Variants in CREBBP observed in about 807,000 individuals in gnomAD.
CREBBP encodes CREB-binding protein.
A neutral mutation model predicts 265.0 loss-of-function variants in CREBBP; 19 were observed. The ratio of observed to expected loss-of-function variants is 0.07; its 90% CI spans 0.05 to 0.11. The LOEUF (loss-of-function observed/expected upper bound fraction) is 0.11, where lower values mean the gene tolerates loss of function less well. Among genes scored for constraint, CREBBP ranks in the 10% least tolerant of loss-of-function variants. The pLI is 1.00. For synonymous variants in CREBBP, 1,457 were observed against 1,223.7 expected (o/e 1.19, Z -3.98); for missense variants, 2,525 against 3,219.0 (o/e 0.78, Z 5.22).
intron 2 of CREBBP, among the ~76,000 whole-genome samples, chr16:3,821,964 G>C (rs970216461): frequency 2.6e-5 from 4 of 152,162 alleles, no homozygotes; most frequent in Non-Finnish European, 5.9e-5. Flanking sequence ...TTAGGCAGGA[G>C]AATCACTTGA....
intron 1 of CREBBP, among the ~76,000 whole-genome samples, chr16:3,853,981 C>CACAT (rs528259484): frequency 1.3e-5 from 2 of 152,172 alleles, no homozygotes; most frequent in African/African-American, 4.8e-5. Context: ...CACACACACA[C>CACAT]ACGAAAAAGA....
At chr16:3,759,650 T>A (rs1430252723) in intron 16 of CREBBP, among the ~76,000 whole-genome samples, 1 of 151,862 alleles carries the variant, frequency 6.6e-6, no homozygotes, top group Non-Finnish European at 1.5e-5. Flanking sequence ...AAGTTTTTTA[T>A]CCTTGGCTAA....
chr16:3,731,519 C>T lies in CREBBP; in HGVS notation c.4891-46G>A, dbSNP rs2051915982. The T allele has an allele frequency of 6.4e-7, 1 of 1,555,032 alleles. No homozygotes were observed. The highest frequency in any genetic ancestry group is 1.4e-5 in the African/African-American group (1 of 73,944). On this transcript the variant is annotated intron_variant, in intron 29 of 30. Transcript: ENST00000262367. The surrounding 1 kb of genome is among the most constrained non-coding windows in gnomAD (Gnocchi z 7.7). The stretch of plus-strand genomic sequence containing the variant: ...TAGTCCCACACAAGGGACATGGCAC[C>T]TCCAGTGGTGAGCTCAGGGCAGGCG...
chr16:3,866,710 C>G (rs563660913), intron 1 of CREBBP, among the ~76,000 whole-genome samples: 1 of 152,206 alleles, frequency 6.6e-6, no homozygotes, highest in East Asian at 1.9e-4. Context: ...CAAAACATCT[C>G]TAGCTCAACC....
chr16:3,767,371 C>A (rs1447407305), intron 16 of CREBBP: 8 of 336,248 alleles, frequency 2.4e-5, no homozygotes, highest in Non-Finnish European at 3.9e-5. Context: ...TCACATACAT[C>A]ACTGGTTCTT....
chr16:3,875,590 G>C (rs543003826), intron 1 of CREBBP, among the ~76,000 whole-genome samples: 6 of 152,204 alleles, frequency 3.9e-5, no homozygotes, highest in African/African-American at 1.2e-4. Context: ...ATTCATGTGC[G>C]GGAAGGCCGC....
In CREBBP at chr16:3,879,971, CCGGACGGGGGT is replaced by C. The variant is rs1194429139; in HGVS notation, c.-66_-56del. On this transcript the variant is annotated 5_prime_UTR_variant, in exon 1 of 31. Coordinates refer to ENST00000262367, the MANE Select transcript of CREBBP (RefSeq NM_004380.3). Reference sequence around the variant, plus strand: ...CACGGGCGGCCGGGCCGGCGAGGGCCCGGACGGGGGTCGGGGGCCCTGCCGGCTGCGAGGGA... The same window carrying C: ...CACGGGCGGCCGGGCCGGCGAGGGCCCGGGGGCCCTGCCGGCTGCGAGGGA... 6.5e-7 allele frequency: 1 copy of C among 1,545,946 alleles called. No homozygotes were observed. Among genetic ancestry groups the C allele is most frequent in the Admixed American group, 1.9e-5 (1 of 53,482 alleles).
chr16:3,871,003 T>A (rs2055281929), intron 1 of CREBBP, among the ~76,000 whole-genome samples: 2 of 119,308 alleles, frequency 1.7e-5, no homozygotes, highest in Non-Finnish European at 3.3e-5. Flanking sequence ...AAAAGTAATG[T>A]AAAGAAGGGG....
At chr16:3,772,899 G>A (rs1212400614) in intron 13 of CREBBP, among the ~76,000 whole-genome samples, 7 of 118,656 alleles carry the variant, frequency 5.9e-5, no homozygotes, top group Admixed American at 2.2e-4. Context: ...GTGAAATCCC[G>A]TCTCTACTAA....
chr16:3,730,274 G>A (rs919648925), intron 30 of CREBBP, among the ~76,000 whole-genome samples: 1 of 152,168 alleles, frequency 6.6e-6, no homozygotes, highest in East Asian at 1.9e-4. Context: ...TGACCTGGGA[G>A]TCACATCAGC....
chr16:3,736,637 C>T lies in CREBBP; in HGVS notation c.4560+13G>A, dbSNP rs2151329020. 1 of 1,614,262 alleles carries T rather than the reference C, an allele frequency of 6.2e-7. No homozygotes were observed. The highest frequency in any genetic ancestry group is 1.1e-5 in the South Asian group (1 of 91,084). On this transcript the variant is annotated intron_variant, in intron 27 of 30. Coordinates refer to ENST00000262367, the MANE Select transcript of CREBBP (RefSeq NM_004380.3). ...TGTGACAAAAGCCACCACCTTCCTT[C>T]AGCGCCGGGTACCTTGTAGTCATGG...
intron 28 of CREBBP, among the ~76,000 whole-genome samples, chr16:3,734,663 G>A (rs913913829): frequency 8.5e-5 from 13 of 152,306 alleles, no homozygotes; most frequent in African/African-American, 3.1e-4. Flanking sequence ...CTGCTTAGGA[G>A]CCACCTAGGG....
At position 3,739,654 on chromosome 16, in the gene CREBBP, T is replaced by C. The variant is rs2052153743; in HGVS notation, c.4204A>G (p.Ile1402Val). The C allele has an allele frequency of 6.2e-7, 1 of 1,614,106 alleles. No individual in the cohort carries two copies. Among genetic ancestry groups the C allele is most frequent in the African/African-American group, 1.3e-5 (1 of 74,930 alleles). ...AAAAAGCAGACATCCACGCCGTCAA[T>C]TTCCTCAAAAGCAAACAGAGCTTTG... ...RTKALFAFEEIDGVDVCFFGM... is the reference protein window; with the variant it reads ...RTKALFAFEEVDGVDVCFFGM... Residue 1402 changes from isoleucine to valine, a missense_variant, in exon 25 of 31, where the codon ATT becomes GTT. This residue lies in a region of CREBBP where 252 missense variants were observed against 452.5 expected (regional missense o/e 0.56). Transcript: ENST00000262367.
At chr16:3,807,914 T>C (rs895979163) in intron 3 of CREBBP, among the ~76,000 whole-genome samples, 11 of 152,172 alleles carry the variant, frequency 7.2e-5, no homozygotes, top group African/African-American at 2.2e-4. Context: ...CCCCATCTGA[T>C]CTGTGCCCTC....
intron 2 of CREBBP, among the ~76,000 whole-genome samples, chr16:3,837,134 G>A (rs1232882359): frequency 6.6e-6 from 1 of 152,140 alleles, no homozygotes; most frequent in Non-Finnish European, 1.5e-5. Context: ...AGGCAGCATT[G>A]TCATTATAGG....
intron 3 of CREBBP, among the ~76,000 whole-genome samples, chr16:3,796,499 G>C (rs916369895): frequency 2.6e-5 from 4 of 151,342 alleles, no homozygotes; most frequent in Admixed American, 2.0e-4. Context: ...CGATTCTCCT[G>C]CCTCAGCCTC....
intron 5 of CREBBP, among the ~76,000 whole-genome samples, chr16:3,789,750 T>C (rs541914192): frequency 1.3e-5 from 2 of 152,104 alleles, no homozygotes; most frequent in South Asian, 4.1e-4. Flanking sequence ...TTAATCTAAA[T>C]CTTCCTTGTG....
At position 3,850,939 on chromosome 16, in the gene CREBBP, G is replaced by T. The variant is rs887346677; in HGVS notation, c.156C>A (p.Gly52=). The T allele has an allele frequency of 6.2e-7, 1 of 1,614,130 alleles. No homozygotes were observed. Among genetic ancestry groups the T allele is most frequent in the Non-Finnish European group, 8.5e-7 (1 of 1,180,022 alleles). The change falls in exon 2 of 31, where the codon GGC becomes GGA. Residue 52 remains glycine (G), a synonymous_variant. Coordinates refer to ENST00000262367, the MANE Select transcript of CREBBP (RefSeq NM_004380.3). ...DELIPNGGEL[G]LLNSGNLVPD... ...GAACAAGGTTCCCACTGTTTAAAAG[G>T]CCTAATTCTCCTCCATTGGGTATCA...
chr16:3,827,719 G>T (rs1050291641), intron 2 of CREBBP, among the ~76,000 whole-genome samples: 6 of 151,666 alleles, frequency 4.0e-5, no homozygotes, highest in Admixed American at 2.6e-4. Flanking sequence ...TAGAGACAGG[G>T]TCTCTCTGTA....
Sources: gnomAD v4.1 joint callset for allele counts (sites outside exome capture counted in the v4.1 genomes callset) on GRCh38, gnomAD v4.1.1 for gene constraint, gnomAD v4.1.1 regional missense constraint, Gnocchi (gnomAD v3.1) non-coding constraint, MANE v1.5 for transcripts, NCBI Gene and HGNC (gene_info 2026-07-23, HGNC 2026-07-21) for gene names.